Variants in TMEM244 observed in about 807,000 individuals in gnomAD.
The protein encoded by TMEM244 is putative transmembrane protein 244.
A neutral mutation model predicts 15.8 loss-of-function variants in TMEM244; 13 were observed. That is an observed-to-expected ratio of 0.82 (90% CI 0.53 to 1.30). The LOEUF (loss-of-function observed/expected upper bound fraction) is 1.30, where lower values mean the gene tolerates loss of function less well. TMEM244 is among the 50% of genes most tolerant of loss of function. The pLI, the probability that TMEM244 is intolerant of heterozygous loss-of-function variation, is 0.00. For missense variants in TMEM244, 161 were observed against 144.9 expected (o/e 1.11, Z -0.57); for synonymous variants, 45 against 48.7 (o/e 0.92, Z 0.32).
intron 3 of TMEM244, among the ~76,000 whole-genome samples, chr6:129,839,613 C>A (rs1036518198): frequency 6.6e-6 from 1 of 152,114 alleles, no homozygotes; most frequent in African/African-American, 2.4e-5. Flanking sequence ...AAAGCGTATT[C>A]AATTAGGAAA....
chr6:129,850,877 C>A (rs1324647722), intron 1 of TMEM244, among the ~76,000 whole-genome samples: 1 of 152,166 alleles, frequency 6.6e-6, no homozygotes, highest in African/African-American at 2.4e-5. Flanking sequence ...TGGCCAGTGG[C>A]TGCCACGGTG....
intron 3 of TMEM244, among the ~76,000 whole-genome samples, chr6:129,836,426 C>G (rs113172051): frequency 0.37 from 56,692 of 152,010 alleles, 11,079 homozygotes; most frequent in South Asian, 0.5. Flanking sequence ...TCACCAACAT[C>G]AAAGACCAAA....
intron 1 of TMEM244, among the ~76,000 whole-genome samples, chr6:129,855,871 T>C (rs1776698440): frequency 6.6e-6 from 1 of 152,154 alleles, no homozygotes; most frequent in Non-Finnish European, 1.5e-5. Context: ...ATCTGTGGGG[T>C]GACACTTGAG....
chr6:129,843,477 G>A, intron 3 of TMEM244, 53 bp downstream of exon 3: 2 of 1,262,854 alleles, frequency 1.6e-6, no homozygotes, highest in Non-Finnish European at 2.3e-6. Flanking sequence ...AATTTATGGG[G>A]TTAGTGGCAT....
intron 2 of TMEM244, among the ~76,000 whole-genome samples, chr6:129,843,970 C>T (rs9492397): frequency 0.093 from 14,191 of 152,142 alleles, 1,018 homozygotes; most frequent in African/African-American, 0.2. Context: ...AGATGTAAAA[C>T]AGGTTCACCT....
At chr6:129,835,566 C>T (rs1562195507) in intron 3 of TMEM244, among the ~76,000 whole-genome samples, 1 of 152,088 alleles carries the variant, frequency 6.6e-6, no homozygotes, top group Non-Finnish European at 1.5e-5. Flanking sequence ...ACAGTGGGTG[C>T]AGCCCATGGA....
chr6:129,839,299 A>G (rs1474147606), intron 3 of TMEM244, among the ~76,000 whole-genome samples: 3 of 152,238 alleles, frequency 2.0e-5, no homozygotes, highest in African/African-American at 7.2e-5. Flanking sequence ...AACGTAATCC[A>G]TCATGTAAAC....
intron 3 of TMEM244, among the ~76,000 whole-genome samples, chr6:129,835,789 G>A (rs916990138): frequency 6.6e-6 from 1 of 152,196 alleles, no homozygotes; most frequent in Non-Finnish European, 1.5e-5. Context: ...CACCCACGGA[G>A]CCTTGCTCAC....
In TMEM244 at chr6:129,845,612, C is replaced by T. The variant is rs149494100; in HGVS notation, c.119+155G>A. Among the ~76,000 whole-genome samples, 1,360 of 152,194 alleles carry T rather than the reference C, an allele frequency of 8.9e-3. 13 individuals carry two copies. The highest frequency in any genetic ancestry group is 0.012 in the Non-Finnish European group (841 of 68,008). Reference sequence around the variant, plus strand: ...TAGGCAACATAGCAAGACCTTGTCTCTACCAAAAATAAAAAATAAATAAAA... The same window carrying T: ...TAGGCAACATAGCAAGACCTTGTCTTTACCAAAAATAAAAAATAAATAAAA... On this transcript the variant is annotated intron_variant, in intron 2 of 4. Transcript: ENST00000368143.
At chr6:129,843,216 A>G (rs547258804) in intron 3 of TMEM244, among the ~76,000 whole-genome samples, 1 of 152,250 alleles carries the variant, frequency 6.6e-6, no homozygotes, top group East Asian at 1.9e-4. Context: ...ATTTTTCTAC[A>G]TCAGCACATT....
rs991898513 is a variant in TMEM244 at position 129,833,645 on chromosome 6, C to T, written c.194-60G>A. On this transcript the variant is annotated intron_variant, in intron 3 of 4. Transcript: ENST00000368143. ...CTAGAGCAATGAACATTCTGAAATACAACTAGTAACAAGACCAGGAAAGCT... is the reference window on the plus strand; with the variant it reads ...CTAGAGCAATGAACATTCTGAAATATAACTAGTAACAAGACCAGGAAAGCT... The T allele has an allele frequency of 1.2e-5, 18 of 1,497,180 alleles. 1 individual carries two copies. In the Admixed American group the frequency reaches 3.8e-4, roughly 31 times the overall value. The allele number at this position is 1,497,180 out of a possible 1,614,324, so 92.7% of individuals were successfully genotyped here. A position where few individuals can be genotyped will look rare whatever the true frequency, so the allele number is the denominator to read the frequency against.
chr6:129,841,718 C>G (rs528682609), intron 3 of TMEM244, among the ~76,000 whole-genome samples: 24 of 152,098 alleles, frequency 1.6e-4, no homozygotes, highest in South Asian at 4.1e-4. Flanking sequence ...AATTTGCAAA[C>G]TATTCTCTGC....
intron 2 of TMEM244, 26 bp downstream of exon 2, chr6:129,845,741 C>T (rs1211288996): frequency 6.6e-7 from 1 of 1,517,518 alleles, no homozygotes; most frequent in South Asian, 1.1e-5. Flanking sequence ...CTTTTTAATT[C>T]TATTTGAAGA....
In TMEM244 at chr6:129,832,375, G is replaced by A. The variant is rs183733773; in HGVS notation, c.320-989C>T. 4.6e-3 allele frequency among the ~76,000 whole-genome samples: 701 copies of A among 152,234 alleles called. 5 individuals are homozygous for A. Among genetic ancestry groups the A allele is most frequent in the African/African-American group, 0.016 (667 of 41,548 alleles). ...AGCCTCCCAGAGTGCTGGGATTACA[G>A]GCGTGAGCCACGGCACCTGGCGGAG... On this transcript the variant is annotated intron_variant, in intron 4 of 4. Coordinates refer to ENST00000368143, the MANE Select transcript of TMEM244 (RefSeq NM_001010876.2).
rs547429914 is a variant in TMEM244 at position 129,840,929 on chromosome 6, T to C, written c.193+2601A>G. Among the ~76,000 whole-genome samples, 168 of 152,272 alleles carry C rather than the reference T, an allele frequency of 1.1e-3. 1 individual carries two copies. In the South Asian group the frequency reaches 0.016, roughly 15 times the overall value. On this transcript the variant is annotated intron_variant, in intron 3 of 4. Transcript: ENST00000368143. ...CATTAAAAAGTCAGGAAACAACAGA[T>C]GCTGGAGAGGATGTGGAGCAATAGG...
chr6:129,842,776 A>G (rs1459536922), intron 3 of TMEM244, among the ~76,000 whole-genome samples: 1 of 151,616 alleles, frequency 6.6e-6, no homozygotes, highest in Non-Finnish European at 1.5e-5. Flanking sequence ...ATGATAGAAA[A>G]CATTCAAATT....
At chr6:129,851,360 C>G (rs1776635496) in intron 1 of TMEM244, among the ~76,000 whole-genome samples, 1 of 152,146 alleles carries the variant, frequency 6.6e-6, no homozygotes, top group Non-Finnish European at 1.5e-5. Flanking sequence ...CCTCCACCTC[C>G]CAGGCTCAAG....
chr6:129,860,280 C>T (rs746889017), intron 1 of TMEM244, among the ~76,000 whole-genome samples: 2 of 152,072 alleles, frequency 1.3e-5, no homozygotes, highest in African/African-American at 2.4e-5. Flanking sequence ...AGTTCAATCC[C>T]AAATCTATAC....
At chr6:129,842,947 C>T (rs1241878783) in intron 3 of TMEM244, among the ~76,000 whole-genome samples, 3 of 149,962 alleles carry the variant, frequency 2.0e-5, no homozygotes, top group African/African-American at 7.4e-5. Context: ...GAAATTTTGC[C>T]TTAGTGTATT....
Sources: allele counts gnomAD v4.1 joint callset (sites outside exome capture counted in the v4.1 genomes callset), GRCh38; gene constraint gnomAD v4.1.1; transcripts MANE v1.5; gene names NCBI Gene and HGNC (gene_info 2026-07-23, HGNC 2026-07-21).